RIT2: variants seen among roughly 807,000 people sequenced by gnomAD.
The protein encoded by RIT2 is GTP-binding protein Rit2.
A neutral mutation model predicts 23.7 loss-of-function variants in RIT2; 24 were observed. The ratio of observed to expected loss-of-function variants is 1.01; its 90% confidence interval spans 0.73 to 1.43. The LOEUF (loss-of-function observed/expected upper bound fraction) is 1.43, where lower values mean the gene tolerates loss of function less well. Among genes scored for constraint, RIT2 ranks in the 40% most tolerant of loss-of-function variants. The pLI is 0.00. For synonymous variants in RIT2, 107 were observed against 91.1 expected (o/e 1.17, Z -0.99); for missense variants, 236 against 266.9 (o/e 0.88, Z 0.81).
At chr18:42,807,791 ATGTGTGTGTG>A (rs10551770) in intron 4 of RIT2, among the ~76,000 whole-genome samples, 6 of 147,494 alleles carry the variant, frequency 4.1e-5, no homozygotes, top group East Asian at 2.0e-4. Flanking sequence ...CACAAAGTGA[ATGTGTGTGTG>A]TGTGTGTGTG....
chr18:43,088,230 C>T (rs1262005950), intron 1 of RIT2, among the ~76,000 whole-genome samples: 2 of 152,162 alleles, frequency 1.3e-5, no homozygotes, highest in African/African-American at 4.8e-5. Context: ...CTATTAATGA[C>T]ATTATCTGAA....
intron 1 of RIT2, among the ~76,000 whole-genome samples, chr18:43,034,687 T>C (rs986351442): frequency 2.0e-5 from 3 of 152,202 alleles, no homozygotes; most frequent in Non-Finnish European, 2.9e-5. Context: ...TCTTCTCTAC[T>C]AGGCCTCAAA....
chr18:42,841,634 C>T (rs185812243), intron 4 of RIT2, among the ~76,000 whole-genome samples: 2 of 152,284 alleles, frequency 1.3e-5, no homozygotes, highest in Admixed American at 1.3e-4. Flanking sequence ...AACTGAACTT[C>T]TCTGTGTACT....
At chr18:43,032,653 T>A (rs1005903229) in intron 2 of RIT2, among the ~76,000 whole-genome samples, 3 of 150,644 alleles carry the variant, frequency 2.0e-5, no homozygotes, top group Non-Finnish European at 4.4e-5. Context: ...AACCTCAACT[T>A]GTTGAGGAAG....
chr18:42,979,847 T>C (rs1181585115), intron 2 of RIT2, among the ~76,000 whole-genome samples: 1 of 152,184 alleles, frequency 6.6e-6, no homozygotes, highest in African/African-American at 2.4e-5. Context: ...CTTGTGGGAA[T>C]ACATAAAAAA....
At chr18:42,950,778 C>T (rs1909832426) in intron 3 of RIT2, among the ~76,000 whole-genome samples, 1 of 151,520 alleles carries the variant, frequency 6.6e-6, no homozygotes, top group South Asian at 2.1e-4. Flanking sequence ...ATAGAAGTGG[C>T]CCCCAAACTT....
chr18:42,848,395 T>C (rs975645339), intron 4 of RIT2, among the ~76,000 whole-genome samples: 1 of 152,038 alleles, frequency 6.6e-6, no homozygotes, highest in Non-Finnish European at 1.5e-5. Flanking sequence ...GTTAAGTGAG[T>C]AGATATATCA....
chr18:42,757,958 G>C (rs1913202971), intron 4 of RIT2, among the ~76,000 whole-genome samples: 1 of 150,878 alleles, frequency 6.6e-6, no homozygotes, highest in South Asian at 2.1e-4. Flanking sequence ...AGAGGTTACT[G>C]ATTCTTGTCA....
chr18:42,748,332 A>G (rs564962692), intron 4 of RIT2, among the ~76,000 whole-genome samples: 8 of 152,102 alleles, frequency 5.3e-5, no homozygotes, highest in Non-Finnish European at 1.0e-4. Context: ...CAAAAATATG[A>G]AAAAATACTC....
Position 43,037,372 on chromosome 18 carries a change from C to T in RIT2, c.104-3505G>A, listed in dbSNP as rs555377291. On this transcript the variant is annotated intron_variant, in intron 1 of 4. Coordinates refer to ENST00000326695, the MANE Select transcript of RIT2 (RefSeq NM_002930.4). ...ATTTAATTATTTTTATCATTTTGGT[C>T]TGATCAAAGTTATAATCACTGCATT... 2.0e-5 allele frequency among the ~76,000 whole-genome samples: 3 copies of T among 152,184 alleles called. No homozygotes were observed. The South Asian group carries it at 6.2e-4, about 32-fold the overall frequency.
rs752640941 is a variant in RIT2 at position 43,115,477 on chromosome 18, A to T, written c.43T>A (p.Ser15Thr). The change falls in exon 1 of 5, where the codon TCA (serine) becomes ACA (threonine). Residue 15 changes from serine (S) to threonine (T), a missense_variant. Transcript: ENST00000326695. ...NEASCSPGSA[S>T]GGSREYKVVM... Reference sequence around the variant, plus strand: ...ACCTTGTACTCTCTGGACCCGCCTGATGCGCTGCCCGGGGAGCAGCTGGCT... The same window carrying T: ...ACCTTGTACTCTCTGGACCCGCCTGTTGCGCTGCCCGGGGAGCAGCTGGCT... The T allele has an allele frequency of 7.4e-6, 12 of 1,613,594 alleles. No homozygotes were observed. Among genetic ancestry groups the T allele is most frequent in the Non-Finnish European group, 9.3e-6 (11 of 1,179,782 alleles).
chr18:43,031,950 C>A lies in RIT2; in HGVS notation c.160+1861G>T, dbSNP rs575800831. 5.3e-5 allele frequency among the ~76,000 whole-genome samples: 8 copies of A among 152,140 alleles called. No homozygotes were observed. In the South Asian group the frequency reaches 1.7e-3, roughly 32 times the overall value. ...GCCACATTGAGTTACAGTTATGTAG[C>A]AGAAGCAGGTGGAAGGTAAATTATT... On this transcript the variant is annotated intron_variant, in intron 2 of 4. Coordinates refer to ENST00000326695, the MANE Select transcript of RIT2 (RefSeq NM_002930.4).
intron 2 of RIT2, among the ~76,000 whole-genome samples, chr18:43,025,937 T>C (rs1262334797): frequency 1.3e-5 from 2 of 152,038 alleles, no homozygotes; most frequent in Non-Finnish European, 1.5e-5. Flanking sequence ...CACTATACAA[T>C]ATATCCATGA....
At chr18:43,100,054 C>T (rs1913646176) in intron 1 of RIT2, among the ~76,000 whole-genome samples, 1 of 151,936 alleles carries the variant, frequency 6.6e-6, no homozygotes, top group African/African-American at 2.4e-5. Context: ...TTGGGGAAGG[C>T]CAACAATAAC....
chr18:42,777,490 C>T (rs556603242), intron 4 of RIT2, among the ~76,000 whole-genome samples: 4 of 152,036 alleles, frequency 2.6e-5, no homozygotes, highest in South Asian at 4.2e-4. Flanking sequence ...GGAAAATAAC[C>T]GGGGAAATGT....
Position 42,971,076 on chromosome 18 carries a change from T to C in RIT2, c.234+2998A>G, listed in dbSNP as rs1295260056. 2.0e-5 allele frequency among the ~76,000 whole-genome samples: 3 copies of C among 151,974 alleles called. No individual in the cohort carries two copies. In the East Asian group the frequency reaches 5.8e-4, roughly 29 times the overall value. ...AACATTTTACTCAAATTCTAGGTGA[T>C]GACATTAATAATAGCTTTTCTGTCT... On this transcript the variant is annotated intron_variant, in intron 3 of 4. Coordinates refer to ENST00000326695, the MANE Select transcript of RIT2 (RefSeq NM_002930.4).
At position 42,967,372 on chromosome 18, in the gene RIT2, T is replaced by C. The variant is rs369008996; in HGVS notation, c.234+6702A>G. ...GTAGAAATGGTCATCTTGTAAAAGG[T>C]GGTTGTTGTTGTTTTGAGACAGAGT... On this transcript the variant is annotated intron_variant, in intron 3 of 4. Transcript: ENST00000326695. Among the ~76,000 whole-genome samples, 17 of 151,682 alleles carry C rather than the reference T, an allele frequency of 1.1e-4. No homozygotes were observed. The East Asian group carries it at 1.6e-3, about 14-fold the overall frequency.
intron 4 of RIT2, among the ~76,000 whole-genome samples, chr18:42,775,900 TAC>T (rs1200089522): frequency 6.6e-6 from 1 of 151,258 alleles, no homozygotes; most frequent in Non-Finnish European, 1.5e-5. Flanking sequence ...AATACACACA[TAC>T]ACACACTTTC....
At chr18:43,021,704 C>T (rs1484568309) in intron 2 of RIT2, among the ~76,000 whole-genome samples, 1 of 152,076 alleles carries the variant, frequency 6.6e-6, no homozygotes, top group African/African-American at 2.4e-5. Context: ...TGCCTTCTTC[C>T]CCTTTGCCTT....
Sources: allele counts gnomAD v4.1 joint callset (sites outside exome capture counted in the v4.1 genomes callset), GRCh38; gene constraint gnomAD v4.1.1; transcripts MANE v1.5; gene names NCBI Gene and HGNC (gene_info 2026-07-23, HGNC 2026-07-21).